ZMIZ1: variants seen among roughly 807,000 people sequenced by gnomAD.
The protein encoded by ZMIZ1 is zinc finger MIZ-type containing 1.
In ZMIZ1, 17 loss-of-function variants were observed where a neutral mutation model predicts 113.9. The observed-to-expected ratio is 0.15, with a 90% CI of 0.10 to 0.22. The LOEUF (loss-of-function observed/expected upper bound fraction) is 0.22, where lower values mean the gene tolerates loss of function less well. Among genes scored for constraint, ZMIZ1 ranks in the 10% least tolerant of loss-of-function variants. The pLI is 1.00. For missense variants in ZMIZ1, 1,059 were observed against 1,477.8 expected, an observed-to-expected ratio of 0.72 and a Z score of 4.65; for synonymous variants, 607 against 603.1, an observed-to-expected ratio of 1.01 and a Z score of -0.09.
intron 7 of ZMIZ1, among the ~76,000 whole-genome samples, chr10:79,264,663 C>T (rs1564563758): frequency 6.6e-6 from 1 of 152,120 alleles, no homozygotes; most frequent in Non-Finnish European, 1.5e-5. Flanking sequence ...GGGGCTGTGA[C>T]CTGTGACTAC....
At position 79,278,460 on chromosome 10, in the gene ZMIZ1, TG is replaced by T. The variant is rs1039502264; in HGVS notation, c.425+1136del. On this transcript the variant is annotated intron_variant, in intron 8 of 24. Transcript: ENST00000334512. ...TTTTTTAATTTTTTTTAGTATTTATTGATCATTCTTGGGTGTTTCTCGGAGA... is the reference window on the plus strand; with the variant it reads ...TTTTTTAATTTTTTTTAGTATTTATTATCATTCTTGGGTGTTTCTCGGAGA... Among the ~76,000 whole-genome samples, 68 of 152,082 alleles carry T rather than the reference TG, an allele frequency of 4.5e-4. 1 individual carries two copies. The highest frequency in any genetic ancestry group is 1.3e-3 in the African/African-American group (53 of 41,526).
chr10:79,203,967 CT>C (rs1196068131), intron 5 of ZMIZ1, among the ~76,000 whole-genome samples: 1 of 152,198 alleles, frequency 6.6e-6, no homozygotes, highest in African/African-American at 2.4e-5. Flanking sequence ...CAGATGCCCC[CT>C]GGGCCATCCA....
chr10:79,221,432 G>GCGGGATCCTC (rs1848967298), intron 7 of ZMIZ1, among the ~76,000 whole-genome samples: 2 of 152,348 alleles, frequency 1.3e-5, no homozygotes, highest in Admixed American at 1.3e-4. Flanking sequence ...ACGTGCGCGG[G>GCGGGATCCTC]CGGGATCCTC....
chr10:79,077,311 T>C (rs1164002974), intron 1 of ZMIZ1, among the ~76,000 whole-genome samples: 2 of 151,910 alleles, frequency 1.3e-5, no homozygotes, highest in Non-Finnish European at 2.9e-5. Flanking sequence ...CACAGAGACC[T>C]CTGGGAAGAG....
At chr10:79,205,239 A>G (rs952714753) in intron 5 of ZMIZ1, among the ~76,000 whole-genome samples, 2 of 152,192 alleles carry the variant, frequency 1.3e-5, no homozygotes, top group African/African-American at 4.8e-5. Context: ...GCCTCTGCCT[A>G]TGATTCAAAC....
At chr10:79,141,495 C>T (rs1383300243) in intron 3 of ZMIZ1, among the ~76,000 whole-genome samples, 3 of 152,012 alleles carry the variant, frequency 2.0e-5, no homozygotes, top group Admixed American at 6.6e-5. Flanking sequence ...GTAACCTCGA[C>T]CTCCCCAGCT....
chr10:79,160,168 C>T (rs559477522), intron 3 of ZMIZ1, among the ~76,000 whole-genome samples: 1 of 152,242 alleles, frequency 6.6e-6, no homozygotes, highest in Non-Finnish European at 1.5e-5. Flanking sequence ...TGAGGGCAAA[C>T]GCTGCCTGTC....
At chr10:79,221,705 T>C (rs1210819848) in intron 7 of ZMIZ1, among the ~76,000 whole-genome samples, 1 of 152,172 alleles carries the variant, frequency 6.6e-6, no homozygotes, top group Non-Finnish European at 1.5e-5. Flanking sequence ...CTGTCTCAGC[T>C]CCTGTCCATG....
At chr10:79,165,999 T>G (rs975361979) in intron 4 of ZMIZ1, among the ~76,000 whole-genome samples, 19 of 9,938 alleles carry the variant, frequency 1.9e-3, no homozygotes, top group Non-Finnish European at 3.5e-3. Flanking sequence ...TGTGTGTGTG[T>G]GTGGGCTCTC....
intron 7 of ZMIZ1, among the ~76,000 whole-genome samples, chr10:79,233,052 C>T (rs952339918): frequency 6.6e-6 from 1 of 152,226 alleles, no homozygotes; most frequent in African/African-American, 2.4e-5. Context: ...CTGGTTGTTC[C>T]TCAGTGCAAT....
At chr10:79,196,759 A>G (rs370441267) in intron 4 of ZMIZ1, among the ~76,000 whole-genome samples, 5 of 152,220 alleles carry the variant, frequency 3.3e-5, no homozygotes, top group Admixed American at 2.6e-4. Context: ...AGCATTTATC[A>G]AGGCCCACCG....
intron 7 of ZMIZ1, among the ~76,000 whole-genome samples, chr10:79,241,610 C>A (rs993406280): frequency 6.6e-6 from 1 of 152,184 alleles, no homozygotes; most frequent in East Asian, 1.9e-4. Context: ...ACCAGCTTCT[C>A]GGAGGGAAAG....
intron 1 of ZMIZ1, among the ~76,000 whole-genome samples, chr10:79,102,666 C>T (rs939554436): frequency 5.3e-5 from 8 of 152,220 alleles, no homozygotes; most frequent in African/African-American, 1.9e-4. Flanking sequence ...TCCCAGGCGC[C>T]ACCTGGGAAG....
intron 4 of ZMIZ1, among the ~76,000 whole-genome samples, chr10:79,184,645 C>T (rs1248242731): frequency 1.3e-5 from 2 of 152,196 alleles, no homozygotes; most frequent in African/African-American, 2.4e-5. Flanking sequence ...TCTTTCCAGG[C>T]CAGACCTTTC....
chr10:79,231,384 G>C (rs992741640), intron 7 of ZMIZ1, among the ~76,000 whole-genome samples: 2 of 151,868 alleles, frequency 1.3e-5, no homozygotes, highest in African/African-American at 4.8e-5. Context: ...AACAGCTGGG[G>C]TTGCAGGCAA....
intron 24 of ZMIZ1, 55 bp from the exon 25 acceptor site, chr10:79,312,587 G>A (rs1047614700): frequency 9.4e-6 from 15 of 1,591,608 alleles, no homozygotes; most frequent in Admixed American, 6.7e-5. Flanking sequence ...TTCCTCACCC[G>A]GGGCCTGCCT....
At chr10:79,174,713 T>C (rs1005005440) in intron 4 of ZMIZ1, among the ~76,000 whole-genome samples, 2 of 152,174 alleles carry the variant, frequency 1.3e-5, no homozygotes, top group African/African-American at 4.8e-5. Context: ...AATTCAGAAA[T>C]GTGGCTGAGT....
At chr10:79,094,213 G>A (rs1843091530) in intron 1 of ZMIZ1, among the ~76,000 whole-genome samples, 1 of 152,182 alleles carries the variant, frequency 6.6e-6, no homozygotes, top group African/African-American at 2.4e-5. Flanking sequence ...CGAGCCGGGT[G>A]AGTCCGGCTG....
chr10:79,224,262 G>A (rs1849111963), intron 7 of ZMIZ1, among the ~76,000 whole-genome samples: 1 of 152,104 alleles, frequency 6.6e-6, no homozygotes, highest in South Asian at 2.1e-4. Flanking sequence ...GGGGCCGGAG[G>A]GTGACTCTTT....
Sources: gnomAD v4.1 joint callset for allele counts (sites outside exome capture counted in the v4.1 genomes callset) on GRCh38, gnomAD v4.1.1 for gene constraint, MANE v1.5 for transcripts, NCBI Gene and HGNC (gene_info 2026-07-23, HGNC 2026-07-21) for gene names.